The following CPNE8 variants were observed in gnomAD, a reference collection of about 807,000 sequenced individuals.
The protein encoded by CPNE8 is copine 8.
CPNE8 carries 45 observed loss-of-function variants against 81.5 expected under a neutral mutation model. The observed-to-expected ratio is 0.55, with a 90% CI of 0.44 to 0.71. The LOEUF is 0.71. CPNE8 is among the 30% of genes least tolerant of loss of function. CPNE8 has a pLI of 0.00. For synonymous variants in CPNE8, 252 were observed against 226.3 expected (o/e 1.11, Z -1.02); for missense variants, 594 against 672.1 (o/e 0.88, Z 1.28).
chr12:38,861,191 TAAAG>T (rs1204075435), intron 3 of CPNE8, among the ~76,000 whole-genome samples: 1 of 151,774 alleles, frequency 6.6e-6, no homozygotes, highest in East Asian at 2.0e-4. Context: ...TAGTCAAACT[TAAAG>T]AAACAGCACA....
chr12:38,731,114 C>T (rs925191028), intron 10 of CPNE8, among the ~76,000 whole-genome samples: 8 of 151,858 alleles, frequency 5.3e-5, no homozygotes, highest in Admixed American at 1.3e-4. Context: ...AATTTAATGG[C>T]CAGTGCTAAG....
At chr12:38,702,187 A>G (rs1939964764) in intron 14 of CPNE8, among the ~76,000 whole-genome samples, 1 of 152,238 alleles carries the variant, frequency 6.6e-6, no homozygotes, top group South Asian at 2.1e-4. Context: ...TTCTGGTAAA[A>G]GTTACATAAT....
intron 14 of CPNE8, among the ~76,000 whole-genome samples, chr12:38,695,004 A>G (rs1424528400): frequency 6.6e-6 from 1 of 152,206 alleles, no homozygotes; most frequent in Non-Finnish European, 1.5e-5. Flanking sequence ...TATATTTCCA[A>G]GAGTTACCAG....
At chr12:38,796,896 C>T (rs1481063724) in intron 6 of CPNE8, among the ~76,000 whole-genome samples, 1 of 152,196 alleles carries the variant, frequency 6.6e-6, no homozygotes, top group Non-Finnish European at 1.5e-5. Context: ...GAGATTATAT[C>T]CCGCACATGG....
chr12:38,660,012 T>G (rs973759170), intron 19 of CPNE8, among the ~76,000 whole-genome samples: 1 of 152,148 alleles, frequency 6.6e-6, no homozygotes, highest in Non-Finnish European at 1.5e-5. Flanking sequence ...TTAGGAAGAA[T>G]CAATATCATG....
chr12:38,740,124 A>G (rs1021765711), intron 10 of CPNE8, among the ~76,000 whole-genome samples: 1 of 152,180 alleles, frequency 6.6e-6, no homozygotes, highest in African/African-American at 2.4e-5. Flanking sequence ...ATCCCTTGTA[A>G]GTTGGATTCC....
At chr12:38,763,230 CCAGA>C (rs1282765799) in intron 8 of CPNE8, among the ~76,000 whole-genome samples, 5 of 152,086 alleles carry the variant, frequency 3.3e-5, no homozygotes, top group Non-Finnish European at 5.9e-5. Context: ...CCTTGAGAGG[CCAGA>C]CAGTCATTCT....
intron 13 of CPNE8, among the ~76,000 whole-genome samples, chr12:38,705,315 T>C (rs1337858045): frequency 6.6e-6 from 1 of 152,138 alleles, no homozygotes; most frequent in Non-Finnish European, 1.5e-5. Context: ...AAAACTATTG[T>C]GACATTTCCT....
Position 38,723,834 on chromosome 12 carries a change from C to G in CPNE8, c.853-1G>C. On this transcript the variant is annotated splice_acceptor_variant, in intron 12 of 19. Transcript: ENST00000331366. LOFTEE classifies it high-confidence loss of function. ...CTACCAAGAAAGAGAGTAAAGTTAC[C>G]TGAAAAAGAAAAAGACAGAATTACC... is the stretch of plus-strand genomic sequence containing the variant. 1.3e-6 allele frequency: 2 copies of G among 1,561,424 alleles called. No homozygotes were observed. Among genetic ancestry groups the G allele is most frequent in the East Asian group, 2.2e-5 (1 of 44,528 alleles).
At chr12:38,769,786 C>T (rs920289035) in intron 7 of CPNE8, among the ~76,000 whole-genome samples, 5 of 152,070 alleles carry the variant, frequency 3.3e-5, no homozygotes, top group Non-Finnish European at 2.9e-5. Context: ...TTTTCATAGG[C>T]TCACTGGTAA....
At chr12:38,705,693 A>C (rs964681077) in intron 13 of CPNE8, among the ~76,000 whole-genome samples, 2 of 152,146 alleles carry the variant, frequency 1.3e-5, no homozygotes, top group Non-Finnish European at 2.9e-5. Context: ...TGGTAGGGAG[A>C]GAAATGACTG....
chr12:38,775,328 G>C (rs778357577), intron 7 of CPNE8, among the ~76,000 whole-genome samples: 4 of 152,114 alleles, frequency 2.6e-5, no homozygotes, highest in Non-Finnish European at 5.9e-5. Context: ...TTATCTAAAA[G>C]TTAAAAAGAC....
Position 38,902,339 on chromosome 12 carries a change from A to G in CPNE8, c.98+3098T>C, listed in dbSNP as rs1320782555. Among the ~76,000 whole-genome samples the G allele has an allele frequency of 8.7e-3, 667 of 76,432 alleles. 57 individuals are homozygous for G. The highest frequency in any genetic ancestry group is 0.032 in the African/African-American group (459 of 14,136). 50.1% of individuals were successfully genotyped at this position (76,432 alleles called of 152,430 possible). A position where few individuals can be genotyped will look rare whatever the true frequency, so the allele number is the denominator to read the frequency against. ...AGGAAAGAAAGAAAGAAAGAAAGAAAGAAAGAAAGAAAGAAAGAAAGAAAG... is the reference window on the plus strand; with the variant it reads ...AGGAAAGAAAGAAAGAAAGAAAGAAGGAAAGAAAGAAAGAAAGAAAGAAAG... On this transcript the variant is annotated intron_variant, in intron 1 of 19. Transcript: ENST00000331366.
At chr12:38,873,179 T>A in intron 2 of CPNE8, 129 bp from the exon 3 acceptor site, 1 of 572,516 alleles carries the variant, frequency 1.7e-6, no homozygotes, top group Non-Finnish European at 3.1e-6. Flanking sequence ...AGACTTACCC[T>A]TGCAAAAAAA....
At chr12:38,702,818 A>T in intron 14 of CPNE8, 57 bp downstream of exon 14, 1 of 1,044,366 alleles carries the variant, frequency 9.6e-7, no homozygotes, top group Non-Finnish European at 1.4e-6. Flanking sequence ...GAAAATATAA[A>T]TTTATTTTTC....
intron 10 of CPNE8, among the ~76,000 whole-genome samples, chr12:38,752,526 A>G (rs1000091690): frequency 2.6e-5 from 4 of 152,116 alleles, no homozygotes; most frequent in African/African-American, 9.7e-5. Context: ...CCCTATTCCC[A>G]TTGTACAGCT....
rs1248723864 is a variant in CPNE8 at position 38,652,289 on chromosome 12, ATATT to A, written c.*1589_*1592del. 3 of 152,344 alleles carry A rather than the reference ATATT, an allele frequency of 2.0e-5. No homozygotes were observed. Among genetic ancestry groups the A allele is most frequent in the South Asian group, 2.1e-4 (1 of 4,834 alleles). 9.4% of individuals were successfully genotyped at this position (152,344 alleles called of 1,614,324 possible). On this transcript the variant is annotated 3_prime_UTR_variant, in exon 20 of 20. Transcript: ENST00000331366. ...TAGGTAATACACTGTAGTGGCATAA[ATATT>A]TAAGATCAGTAAAGGAAATCATCAA...
intron 5 of CPNE8, among the ~76,000 whole-genome samples, chr12:38,831,574 C>A (rs1009082654): frequency 2.7e-4 from 41 of 152,134 alleles, no homozygotes; most frequent in African/African-American, 8.9e-4. Flanking sequence ...CATGGCCATA[C>A]CTTCATTAAA....
chr12:38,832,705 A>G (rs953818266), intron 5 of CPNE8, among the ~76,000 whole-genome samples: 2 of 151,532 alleles, frequency 1.3e-5, no homozygotes, highest in Non-Finnish European at 2.9e-5. Flanking sequence ...TAATGTTTGT[A>G]TTTTTAGTAG....
Sources: allele counts gnomAD v4.1 joint callset (sites outside exome capture counted in the v4.1 genomes callset), GRCh38; gene constraint gnomAD v4.1.1; transcripts MANE v1.5; gene names NCBI Gene and HGNC (gene_info 2026-07-23, HGNC 2026-07-21).